Variants in PIK3C2G observed in about 807,000 individuals in gnomAD.
The protein encoded by PIK3C2G is phosphatidylinositol 3-kinase C2 domain-containing subunit gamma.
In PIK3C2G, 168 loss-of-function variants were observed where a neutral mutation model predicts 181.1. The ratio of observed to expected loss-of-function variants is 0.93; its 90% CI spans 0.82 to 1.05. The LOEUF is 1.05. Among genes scored for constraint, PIK3C2G ranks in the 50% least tolerant of loss-of-function variants. PIK3C2G has a pLI of 0.00. For synonymous variants in PIK3C2G, 573 were observed against 592.2 expected (o/e 0.97, Z 0.47); for missense variants, 1,869 against 1,732.8 (o/e 1.08, Z -1.40).
the PIK3C2G span, among the ~76,000 whole-genome samples, chr12:18,678,229 C>T: frequency 1.3e-5 from 2 of 152,098 alleles, no homozygotes; most frequent in Non-Finnish European, 2.9e-5. Context: ...TTAGAACACA[C>T]ATTGTCACAT....
intron 18 of PIK3C2G, among the ~76,000 whole-genome samples, chr12:18,431,679 T>C (rs965121324): frequency 6.6e-6 from 1 of 152,182 alleles, no homozygotes; most frequent in Non-Finnish European, 1.5e-5. Flanking sequence ...ACAGAATCCA[T>C]AGGGGGCTTT....
chr12:18,381,624 A>G, intron 13 of PIK3C2G, 142 bp from the exon 14 acceptor site: 1 of 564,706 alleles, frequency 1.8e-6, no homozygotes, highest in South Asian at 2.4e-5. Flanking sequence ...CTGGTGGACT[A>G]TCTCATTTCT....
intron 4 of PIK3C2G, among the ~76,000 whole-genome samples, chr12:18,292,227 A>AAAAAAAATATATATAT: frequency 2.7e-4 from 13 of 48,716 alleles, no homozygotes; most frequent in African/African-American, 8.8e-4. Context: ...AAAAAAAAAA[A>AAAAAAAATATATATAT]ATATATATAT....
At chr12:18,683,642 AGT>A in the PIK3C2G span, 1 of 1,364,240 alleles carries the variant, frequency 7.3e-7, no homozygotes, top group Admixed American at 2.2e-5. Context: ...CTGTTAGAAA[AGT>A]AAGCATATTG....
chr12:18,650,742 A>C (rs1243344376), downstream of PIK3C2G, among the ~76,000 whole-genome samples: 1 of 38,422 alleles, frequency 2.6e-5, no homozygotes, highest in Non-Finnish European at 4.3e-5. Flanking sequence ...ATATATATAT[A>C]TATATATATA....
chr12:18,603,252 G>C (rs1021468402), intron 30 of PIK3C2G, among the ~76,000 whole-genome samples: 4 of 152,080 alleles, frequency 2.6e-5, no homozygotes, highest in African/African-American at 9.7e-5. Context: ...CAATATAATT[G>C]AATAAGTAGA....
At chr12:18,443,153 G>A (rs755310000) in intron 18 of PIK3C2G, among the ~76,000 whole-genome samples, 11 of 151,958 alleles carry the variant, frequency 7.2e-5, no homozygotes, top group East Asian at 3.9e-4. Context: ...TTACAGGCAT[G>A]AGCCACCATG....
chr12:18,455,619 C>G (rs1947584274), intron 18 of PIK3C2G, among the ~76,000 whole-genome samples: 1 of 152,050 alleles, frequency 6.6e-6, no homozygotes, highest in Non-Finnish European at 1.5e-5. Flanking sequence ...AGTCCAAGAT[C>G]AAGGTACCAG....
chr12:18,507,319 G>A (rs775711663), intron 24 of PIK3C2G, among the ~76,000 whole-genome samples: 26 of 152,232 alleles, frequency 1.7e-4, no homozygotes, highest in East Asian at 7.7e-4. Context: ...GTGAGCCACC[G>A]TGCCTGGCCT....
chr12:18,581,798 G>C (rs7135035), intron 29 of PIK3C2G, among the ~76,000 whole-genome samples: 7,448 of 152,172 alleles, frequency 0.049, 621 homozygotes, highest in African/African-American at 0.17. Context: ...GCATGAGACA[G>C]GATAAGATTA....
intron 16 of PIK3C2G, among the ~76,000 whole-genome samples, chr12:18,418,359 C>G (rs1945295569): frequency 6.6e-6 from 1 of 151,940 alleles, no homozygotes; most frequent in South Asian, 2.1e-4. Context: ...ACAGTGTGCA[C>G]AAAGGTGAAA....
chr12:18,646,827 C>T (rs558153222), intron 32 of PIK3C2G, among the ~76,000 whole-genome samples: 12 of 152,092 alleles, frequency 7.9e-5, no homozygotes, highest in African/African-American at 2.6e-4. Context: ...TATGCCTTTA[C>T]GTTGCTTTAC....
At chr12:18,639,923 A>G (rs985427527) in intron 31 of PIK3C2G, among the ~76,000 whole-genome samples, 38 of 152,098 alleles carry the variant, frequency 2.5e-4, no homozygotes, top group African/African-American at 8.9e-4. Flanking sequence ...TTGTAGGTAT[A>G]TTAAAGTTAT....
intron 30 of PIK3C2G, among the ~76,000 whole-genome samples, chr12:18,608,287 G>C: frequency 6.6e-6 from 1 of 151,972 alleles, no homozygotes; most frequent in East Asian, 1.9e-4. Context: ...ATTCACAATA[G>C]CAAAGACTTA....
intron 30 of PIK3C2G, among the ~76,000 whole-genome samples, chr12:18,597,097 C>G (rs905210025): frequency 3.3e-5 from 5 of 151,612 alleles, no homozygotes; most frequent in African/African-American, 1.2e-4. Context: ...TACCTCATCT[C>G]TAACATCTGA....
the PIK3C2G span, among the ~76,000 whole-genome samples, chr12:18,679,291 A>G: frequency 6.6e-6 from 1 of 151,994 alleles, no homozygotes; most frequent in African/African-American, 2.4e-5. Context: ...AGTTCTTTTT[A>G]AAAAAATTTT....
rs540947177 is a variant in PIK3C2G at position 18,482,796 on chromosome 12, G to C, written c.2505-5653G>C. Reference sequence around the variant, plus strand: ...TTCCTTCCCCACTGGACTTTGAAAGGATAAGTGGACATCGTGGACTCACTC... The same window carrying C: ...TTCCTTCCCCACTGGACTTTGAAAGCATAAGTGGACATCGTGGACTCACTC... On this transcript the variant is annotated intron_variant, in intron 18 of 32. Transcript: ENST00000538779. 2.6e-5 allele frequency among the ~76,000 whole-genome samples: 4 copies of C among 152,220 alleles called. No homozygotes were observed. In the South Asian group the frequency reaches 8.3e-4, roughly 32 times the overall value.
chr12:18,611,208 T>G (rs1948313439), intron 31 of PIK3C2G, among the ~76,000 whole-genome samples: 1 of 151,786 alleles, frequency 6.6e-6, no homozygotes, highest in South Asian at 2.1e-4. Context: ...GAGCAAGAGT[T>G]TCAGATTGAG....
intron 10 of PIK3C2G, among the ~76,000 whole-genome samples, chr12:18,344,986 TAG>T (rs1239148189): frequency 6.6e-6 from 1 of 152,114 alleles, no homozygotes; most frequent in African/African-American, 2.4e-5. Flanking sequence ...AAGCAAAAAG[TAG>T]AGTTTAATTA....
Sources: allele counts gnomAD v4.1 joint callset (sites outside exome capture counted in the v4.1 genomes callset), GRCh38; gene constraint gnomAD v4.1.1; transcripts MANE v1.5; gene names NCBI Gene and HGNC (gene_info 2026-07-23, HGNC 2026-07-21).